ASTN2: variants seen among roughly 807,000 people sequenced by gnomAD.
ASTN2 encodes the protein astrotactin 2.
A neutral mutation model predicts 139.8 loss-of-function variants in ASTN2; 54 were observed. The ratio of observed to expected loss-of-function variants is 0.39; its 90% CI spans 0.31 to 0.48. The LOEUF (loss-of-function observed/expected upper bound fraction) is 0.48, where lower values mean the gene tolerates loss of function less well. ASTN2 is among the 20% of genes least tolerant of loss of function. ASTN2 has a pLI of 0.95. For synonymous variants in ASTN2, 756 were observed against 719.5 expected, an observed-to-expected ratio of 1.05 and a Z score of -0.81; for missense variants, 1,565 against 1,725.1, an observed-to-expected ratio of 0.91 and a Z score of 1.64.
intron 13 of ASTN2, among the ~76,000 whole-genome samples, chr9:116,768,743 A>G (rs917777448): frequency 1.3e-5 from 2 of 152,204 alleles, no homozygotes; most frequent in African/African-American, 4.8e-5. Context: ...TCTGTGAGCT[A>G]GAAAGTGGGC....
intron 11 of ASTN2, among the ~76,000 whole-genome samples, chr9:116,829,032 C>T (rs78764108): frequency 6.6e-6 from 1 of 151,900 alleles, no homozygotes; most frequent in Non-Finnish European, 1.5e-5. Context: ...CACAGAGAAA[C>T]ATCCCATGCT....
chr9:117,352,299 C>G (rs1191292975), intron 1 of ASTN2, among the ~76,000 whole-genome samples: 1 of 152,110 alleles, frequency 6.6e-6, no homozygotes, highest in Non-Finnish European at 1.5e-5. Context: ...CTGTACTTTC[C>G]CTGAGAGCAA....
intron 3 of ASTN2, among the ~76,000 whole-genome samples, chr9:117,156,486 T>A (rs904305657): frequency 6.6e-6 from 1 of 152,002 alleles, no homozygotes; most frequent in Admixed American, 6.6e-5. Flanking sequence ...CTGGCCTCTA[T>A]CCATTAGACT....
At chr9:117,163,051 T>C (rs1296766749) in intron 3 of ASTN2, among the ~76,000 whole-genome samples, 1 of 152,044 alleles carries the variant, frequency 6.6e-6, no homozygotes, top group Non-Finnish European at 1.5e-5. Context: ...AGTCAACCTT[T>C]CCTGCTCCTC....
intron 11 of ASTN2, among the ~76,000 whole-genome samples, chr9:116,851,446 T>C (rs1832598550): frequency 6.6e-6 from 1 of 151,220 alleles, no homozygotes; most frequent in Non-Finnish European, 1.5e-5. Context: ...TTCTATATAT[T>C]ATATTGCACA....
chr9:116,717,684 G>C lies in ASTN2; in HGVS notation c.2806+8087C>G, dbSNP rs369913189. On this transcript the variant is annotated intron_variant, in intron 16 of 22. Coordinates refer to ENST00000313400, the MANE Select transcript of ASTN2 (RefSeq NM_001365068.1). ...TAGATTCAGAGGTGACTGCCCTGGG[G>C]TCAAGCAGCTAGGAATCAGAAAAGC... Among the ~76,000 whole-genome samples the C allele has an allele frequency of 1.5e-4, 23 of 152,268 alleles. No homozygotes were observed. In the East Asian group the frequency reaches 1.9e-3, roughly 13 times the overall value.
chr9:117,019,609 C>T (rs149121957), intron 6 of ASTN2, among the ~76,000 whole-genome samples: 7 of 152,120 alleles, frequency 4.6e-5, no homozygotes, highest in African/African-American at 1.7e-4. Context: ...TATTCGAGGG[C>T]CAAATGAAGG....
intron 2 of ASTN2, among the ~76,000 whole-genome samples, chr9:117,272,750 C>A (rs528819492): frequency 6.6e-6 from 1 of 152,172 alleles, no homozygotes; most frequent in African/African-American, 2.4e-5. Flanking sequence ...CAAGAGTCAC[C>A]TTTGCACCAG....
chr9:116,765,477 G>A (rs188152220), intron 13 of ASTN2, among the ~76,000 whole-genome samples: 4 of 152,196 alleles, frequency 2.6e-5, no homozygotes, highest in Admixed American at 2.0e-4. Flanking sequence ...ATTTAAATAT[G>A]CATATCTCTT....
intron 13 of ASTN2, among the ~76,000 whole-genome samples, chr9:116,738,320 G>A (rs1312970851): frequency 6.6e-6 from 1 of 151,784 alleles, no homozygotes; most frequent in African/African-American, 2.4e-5. Context: ...GGCCAACATG[G>A]TGAAACCCCA....
chr9:116,601,499 T>C (rs930957744), intron 19 of ASTN2, among the ~76,000 whole-genome samples: 1 of 152,162 alleles, frequency 6.6e-6, no homozygotes, highest in African/African-American at 2.4e-5. Context: ...GTGAGGACTA[T>C]TTAAAAGATG....
chr9:116,843,601 G>C (rs979255861), intron 11 of ASTN2, among the ~76,000 whole-genome samples: 2 of 150,452 alleles, frequency 1.3e-5, no homozygotes, highest in East Asian at 3.9e-4. Context: ...AGATGTTGCA[G>C]TGAGCCAAGA....
In ASTN2 at chr9:116,669,828, C is replaced by T. The variant is rs1349776804; in HGVS notation, c.2807-18035G>A. ...TATTGTATTTTTTTTTTTTTTGAGA[C>T]AGAGTCTTGCTCTGTCACCCAGTCT... On this transcript the variant is annotated intron_variant, in intron 16 of 22. Coordinates refer to ENST00000313400, the MANE Select transcript of ASTN2 (RefSeq NM_001365068.1). Among the ~76,000 whole-genome samples the T allele has an allele frequency of 2.1e-5, 3 of 143,536 alleles. No individual in the cohort carries two copies. In the East Asian group the frequency reaches 6.0e-4, roughly 29 times the overall value. The allele number at this position is 143,536 out of a possible 152,430, so 94.2% of individuals were successfully genotyped here. A position where few individuals can be genotyped will look rare whatever the true frequency, so the allele number is the denominator to read the frequency against.
chr9:116,958,615 C>T (rs184948460), intron 10 of ASTN2, among the ~76,000 whole-genome samples: 19 of 152,006 alleles, frequency 1.2e-4, no homozygotes, highest in South Asian at 4.2e-4. Context: ...AAAAAAGAGC[C>T]GACATCTGGC....
intron 20 of ASTN2, among the ~76,000 whole-genome samples, chr9:116,451,832 A>G (rs1036915430): frequency 2.7e-5 from 4 of 150,836 alleles, no homozygotes; most frequent in Non-Finnish European, 4.4e-5. Context: ...TATGCAAATG[A>G]TCTGAGTGTA....
intron 1 of ASTN2, among the ~76,000 whole-genome samples, chr9:117,294,565 A>G (rs1834680703): frequency 6.6e-6 from 1 of 152,240 alleles, no homozygotes; most frequent in South Asian, 2.1e-4. Context: ...AGGCAGCTCA[A>G]TAGCTCAGAA....
At chr9:116,670,367 G>T (rs1859121587) in intron 16 of ASTN2, among the ~76,000 whole-genome samples, 1 of 152,068 alleles carries the variant, frequency 6.6e-6, no homozygotes, top group African/African-American at 2.4e-5. Flanking sequence ...GAGGTAGAAG[G>T]GCTGGTCAAG....
At chr9:117,411,051 T>C (rs1439026418) in intron 1 of ASTN2, among the ~76,000 whole-genome samples, 4 of 152,140 alleles carry the variant, frequency 2.6e-5, no homozygotes, top group Non-Finnish European at 1.5e-5. Flanking sequence ...CCTACAAGAA[T>C]GTAGGTGTCT....
At chr9:117,249,683 C>T (rs1833483333) in intron 2 of ASTN2, among the ~76,000 whole-genome samples, 1 of 139,286 alleles carries the variant, frequency 7.2e-6, no homozygotes, top group Non-Finnish European at 1.6e-5. Context: ...ATGAAAACCA[C>T]TGACATTGTC....
Sources: allele counts gnomAD v4.1 joint callset (sites outside exome capture counted in the v4.1 genomes callset), GRCh38; gene constraint gnomAD v4.1.1; transcripts MANE v1.5; gene names NCBI Gene and HGNC (gene_info 2026-07-23, HGNC 2026-07-21).